The following CFAP20DC variants were observed in gnomAD, a reference collection of about 807,000 sequenced individuals.
CFAP20DC encodes the protein CFAP20 domain containing.
CFAP20DC carries 84 observed loss-of-function variants against 101.7 expected under a neutral mutation model. The ratio of observed to expected loss-of-function variants is 0.83; its 90% CI spans 0.69 to 0.99. The LOEUF (loss-of-function observed/expected upper bound fraction) is 0.99. Among genes scored for constraint, CFAP20DC ranks in the 50% least tolerant of loss-of-function variants. CFAP20DC has a pLI of 0.00. For synonymous variants in CFAP20DC, 359 were observed against 351.2 expected (o/e 1.02, Z -0.25); for missense variants, 1,007 against 970.3 (o/e 1.04, Z -0.50).
At chr3:58,850,328 T>G (rs1363577555) in intron 12 of CFAP20DC, among the ~76,000 whole-genome samples, 1 of 152,134 alleles carries the variant, frequency 6.6e-6, no homozygotes, top group East Asian at 1.9e-4. Context: ...AGCTTATGCC[T>G]GTAATCCCAG....
chr3:58,831,676 A>G lies in CFAP20DC; in HGVS notation c.2175+10T>C, dbSNP rs2076400955. ...AGCAATGAGAGGAAGCTGCAAAGCC[A>G]GGGACTCACGGGTGGCAGGCAGGAG... is the stretch of plus-strand genomic sequence containing the variant. On this transcript the variant is annotated intron_variant, in intron 14 of 16. Coordinates refer to ENST00000482387, the MANE Select transcript of CFAP20DC (RefSeq NM_001394063.1). 1 of 1,612,398 alleles carries G rather than the reference A, an allele frequency of 6.2e-7. No individual in the cohort carries two copies.
At chr3:58,924,521 G>T (rs2085737334) in intron 5 of CFAP20DC, among the ~76,000 whole-genome samples, 1 of 152,084 alleles carries the variant, frequency 6.6e-6, no homozygotes, top group Non-Finnish European at 1.5e-5. Context: ...ATTGTGAATA[G>T]TTCTGTAATA....
intron 4 of CFAP20DC, among the ~76,000 whole-genome samples, chr3:58,939,759 ATTTTTTT>A (rs60955896): frequency 7.6e-5 from 7 of 91,924 alleles, no homozygotes; most frequent in East Asian, 2.9e-4. Context: ...TGCCCGGCCC[ATTTTTTT>A]TTTTTTTTTT....
At chr3:58,763,308 C>G (rs931955826) in intron 15 of CFAP20DC, among the ~76,000 whole-genome samples, 8 of 152,232 alleles carry the variant, frequency 5.3e-5, no homozygotes, top group Middle Eastern at 3.4e-3. Context: ...TCACTGACAC[C>G]CTTTCTTCCA....
intron 4 of CFAP20DC, among the ~76,000 whole-genome samples, chr3:59,023,490 T>A (rs1446394645): frequency 6.6e-6 from 1 of 151,968 alleles, no homozygotes; most frequent in Non-Finnish European, 1.5e-5. Flanking sequence ...TTAGGTTGGA[T>A]GAAAAACTTG....
intron 15 of CFAP20DC, among the ~76,000 whole-genome samples, chr3:58,762,865 C>A (rs893101011): frequency 2.7e-4 from 41 of 152,258 alleles, no homozygotes; most frequent in African/African-American, 9.4e-4. Context: ...GAATATTGGC[C>A]CCCACTCTCT....
intron 6 of CFAP20DC, among the ~76,000 whole-genome samples, chr3:58,901,048 T>G (rs1356904620): frequency 6.6e-6 from 1 of 152,208 alleles, no homozygotes; most frequent in African/African-American, 2.4e-5. Context: ...AAATAATGAC[T>G]AATTTTGTAA....
At chr3:58,909,819 A>C (rs940994016) in intron 6 of CFAP20DC, among the ~76,000 whole-genome samples, 3 of 152,170 alleles carry the variant, frequency 2.0e-5, no homozygotes, top group Non-Finnish European at 4.4e-5. Context: ...TGCATCTATC[A>C]ACTCATCATC....
intron 13 of CFAP20DC, among the ~76,000 whole-genome samples, chr3:58,836,095 T>A (rs1019769653): frequency 2.0e-5 from 3 of 152,142 alleles, no homozygotes; most frequent in Admixed American, 2.0e-4. Context: ...AGCCATTCAA[T>A]CCATTCATTT....
At chr3:58,941,327 C>CAAAAAA (rs752324535) in intron 4 of CFAP20DC, among the ~76,000 whole-genome samples, 83 of 19,492 alleles carry the variant, frequency 4.3e-3, no homozygotes, top group East Asian at 5.0e-3. Context: ...GACTCCGTCT[C>CAAAAAA]AAAAAAAAAA....
intron 4 of CFAP20DC, among the ~76,000 whole-genome samples, chr3:58,992,782 G>A (rs1210669161): frequency 6.6e-6 from 1 of 151,968 alleles, no homozygotes; most frequent in African/African-American, 2.4e-5. Flanking sequence ...GCTTAGTCAG[G>A]TAAGGTATGT....
chr3:58,749,413 C>T (rs2068419770), intron 16 of CFAP20DC, among the ~76,000 whole-genome samples: 3 of 152,170 alleles, frequency 2.0e-5, no homozygotes, highest in South Asian at 4.1e-4. Flanking sequence ...GCTTCTATCT[C>T]CTCAATACAG....
intron 4 of CFAP20DC, among the ~76,000 whole-genome samples, chr3:58,973,254 C>A (rs1038635479): frequency 2.6e-5 from 4 of 152,164 alleles, no homozygotes; most frequent in Admixed American, 1.3e-4. Flanking sequence ...TCAAATGAAA[C>A]CCACCAAAGA....
intron 3 of CFAP20DC, chr3:58,726,290 T>C (rs1020802421): frequency 6.6e-6 from 1 of 152,232 alleles, no homozygotes; most frequent in Admixed American, 6.6e-5. Context: ...CAGTGATAAG[T>C]AGGTAATGCA....
chr3:58,949,899 T>C (rs1394288454), intron 4 of CFAP20DC, among the ~76,000 whole-genome samples: 1 of 152,128 alleles, frequency 6.6e-6, no homozygotes, highest in Non-Finnish European at 1.5e-5. Flanking sequence ...CTATTCAACA[T>C]AGTGTTGGAA....
chr3:58,950,700 C>A lies in CFAP20DC; in HGVS notation c.279-12938G>T, dbSNP rs147968009. 4.1e-3 allele frequency among the ~76,000 whole-genome samples: 623 copies of A among 152,252 alleles called. 2 individuals are homozygous for A. Among genetic ancestry groups the A allele is most frequent in the African/African-American group, 0.014 (581 of 41,524 alleles). On this transcript the variant is annotated intron_variant, in intron 4 of 16. Coordinates refer to ENST00000482387, the MANE Select transcript of CFAP20DC (RefSeq NM_001394063.1). ...TAACAAATGGTGCTGGGAAAACTGG[C>A]TAGCCATATGTAGAAAGCTGAAGCT...
In CFAP20DC at chr3:58,811,109, C is replaced by T. The variant is rs551507914; in HGVS notation, c.2176-4653G>A. On this transcript the variant is annotated intron_variant, in intron 14 of 16. Coordinates refer to ENST00000482387, the MANE Select transcript of CFAP20DC (RefSeq NM_001394063.1). ...GCTCATGGGTAGGAAGAATCAATAT[C>T]GTGAAAATGGCCATACTGCCCAAGG... 1.1e-4 allele frequency among the ~76,000 whole-genome samples: 17 copies of T among 152,120 alleles called. 1 individual carries two copies. In the South Asian group the frequency reaches 2.5e-3, roughly 22 times the overall value.
At chr3:59,012,496 C>T (rs557983969) in intron 4 of CFAP20DC, among the ~76,000 whole-genome samples, 41 of 151,902 alleles carry the variant, frequency 2.7e-4, no homozygotes, top group Non-Finnish European at 4.4e-4. Flanking sequence ...TTTTAGACAG[C>T]GTAAGGCTGA....
intron 15 of CFAP20DC, among the ~76,000 whole-genome samples, chr3:58,765,063 T>C (rs909777022): frequency 2.6e-5 from 4 of 152,194 alleles, no homozygotes; most frequent in Admixed American, 1.3e-4. Flanking sequence ...ACCACATTGT[T>C]TTCATTCAAC....
Sources: allele counts gnomAD v4.1 joint callset (sites outside exome capture counted in the v4.1 genomes callset), GRCh38; gene constraint gnomAD v4.1.1; transcripts MANE v1.5; gene names NCBI Gene and HGNC (gene_info 2026-07-23, HGNC 2026-07-21).